The following ZC3H12B variants were observed in gnomAD, a reference collection of about 807,000 sequenced individuals.
The protein encoded by ZC3H12B is probable ribonuclease ZC3H12B.
A neutral mutation model predicts 43.9 loss-of-function variants in ZC3H12B; 7 were observed. The ratio of observed to expected loss-of-function variants is 0.16; its 90% CI spans 0.09 to 0.30. ZC3H12B has a LOEUF of 0.30. Ranked by LOEUF, ZC3H12B falls within the 10% of genes least tolerant of loss-of-function variation. The pLI is 1.00. For synonymous variants in ZC3H12B, 222 were observed against 241.7 expected (o/e 0.92, Z 0.76); for missense variants, 475 against 670.2 (o/e 0.71, Z 3.22).
the ZC3H12B span, among the ~76,000 whole-genome samples, chrX:65,172,766 T>C: frequency 8.9e-6 from 1 of 111,963 alleles, no homozygotes; most frequent in African/African-American, 3.2e-5. Context: ...AGTCCTCTGT[T>C]CTGTTCCATT....
At chrX:65,188,969 C>G in the ZC3H12B span, among the ~76,000 whole-genome samples, 604 of 79,898 alleles carry the variant, frequency 7.6e-3, 11 homozygotes, top group African/African-American at 0.027. Context: ...ACCACAGTCC[C>G]CAGAGTGTGA....
intron 2 of ZC3H12B, among the ~76,000 whole-genome samples, chrX:65,387,617 T>A (rs7885304): frequency 0.24 from 26,760 of 111,582 alleles, 7,675 homozygotes; most frequent in African/African-American, 0.83. Flanking sequence ...GTGTCTTTTA[T>A]TTGGAGCATT....
chrX:65,421,208 C>A (rs2067013589), intron 3 of ZC3H12B, among the ~76,000 whole-genome samples: 1 of 112,451 alleles, frequency 8.9e-6, no homozygotes, highest in Non-Finnish European at 1.9e-5. Context: ...ATAAATCTTA[C>A]TAAAAGTCAA....
At chrX:65,171,844 G>A in the ZC3H12B span, among the ~76,000 whole-genome samples, 52 of 111,564 alleles carry the variant, frequency 4.7e-4, 1 homozygote, top group East Asian at 0.012. Context: ...TCCGAGACAA[G>A]TGTGGGATAT....
chrX:65,222,807 C>T, the ZC3H12B span, among the ~76,000 whole-genome samples: 1 of 109,860 alleles, frequency 9.1e-6, no homozygotes, highest in African/African-American at 3.3e-5. Flanking sequence ...ACCATACTGC[C>T]AAAGGCAGTC....
chrX:65,157,501 A>G, the ZC3H12B span, among the ~76,000 whole-genome samples: 6 of 111,852 alleles, frequency 5.4e-5, no homozygotes, highest in South Asian at 3.7e-4. Context: ...TTGGTTTGCC[A>G]TTAATATAGC....
the ZC3H12B span, among the ~76,000 whole-genome samples, chrX:65,358,167 C>A: frequency 9.0e-6 from 1 of 111,323 alleles, no homozygotes; most frequent in South Asian, 3.8e-4. Flanking sequence ...TATATATGCA[C>A]CCAATACAAG....
intron 3 of ZC3H12B, among the ~76,000 whole-genome samples, chrX:65,450,743 ATATACATATGTGTATATATGTATATG>A (rs1569413182): frequency 2.3e-5 from 1 of 43,742 alleles, no homozygotes; most frequent in Non-Finnish European, 3.0e-5. Context: ...ATGTATATAT[ATATACATATGTGTATATATGTATATG>A]TATACATATG....
chrX:65,160,222 C>A, the ZC3H12B span, among the ~76,000 whole-genome samples: 4 of 111,570 alleles, frequency 3.6e-5, no homozygotes, highest in African/African-American at 9.8e-5. Context: ...GTCCAAAATT[C>A]TCCTTTCGGT....
At chrX:65,457,667 G>A (rs1475294595) in intron 3 of ZC3H12B, among the ~76,000 whole-genome samples, 8 of 72,461 alleles carry the variant, frequency 1.1e-4, no homozygotes, top group African/African-American at 1.6e-4. Context: ...GATGGTTGCC[G>A]GGTCTGTGTG....
At chrX:65,114,831 T>A in the ZC3H12B span, among the ~76,000 whole-genome samples, 3 of 108,714 alleles carry the variant, frequency 2.8e-5, no homozygotes, top group African/African-American at 1.0e-4. Context: ...GCTCAGATTA[T>A]GAACTTGAGA....
chrX:65,453,773 G>T (rs1184789837), intron 3 of ZC3H12B, among the ~76,000 whole-genome samples: 5 of 110,886 alleles, frequency 4.5e-5, no homozygotes, highest in Non-Finnish European at 9.4e-5. Flanking sequence ...CAGCAACCTG[G>T]ATGGAATTAG....
the ZC3H12B span, among the ~76,000 whole-genome samples, chrX:65,096,162 T>TTA: frequency 1.9e-4 from 19 of 99,916 alleles, no homozygotes; most frequent in East Asian, 5.9e-3. Context: ...TGTAATCGAA[T>TTA]TATATATATT....
chrX:65,204,662 A>C, the ZC3H12B span, among the ~76,000 whole-genome samples: 1 of 112,049 alleles, frequency 8.9e-6, no homozygotes, highest in Non-Finnish European at 1.9e-5. Context: ...TTATTTACAA[A>C]GTGGTAGCCT....
the ZC3H12B span, among the ~76,000 whole-genome samples, chrX:65,216,507 G>C: frequency 9.0e-6 from 1 of 111,507 alleles, no homozygotes; most frequent in African/African-American, 3.3e-5. Flanking sequence ...AAAGTGTCCT[G>C]GGGCTCTAAA....
chrX:65,253,576 C>G, the ZC3H12B span, among the ~76,000 whole-genome samples: 1 of 112,033 alleles, frequency 8.9e-6, no homozygotes, highest in Non-Finnish European at 1.9e-5. Context: ...ATTGTCTGAC[C>G]TGAACAGAAC....
chrX:65,250,421 G>C, the ZC3H12B span, among the ~76,000 whole-genome samples: 1 of 111,701 alleles, frequency 9.0e-6, no homozygotes, highest in Non-Finnish European at 1.9e-5. Flanking sequence ...CTTTATAGCA[G>C]CATGATTTAT....
At chrX:65,257,117 G>A in the ZC3H12B span, among the ~76,000 whole-genome samples, 3 of 112,062 alleles carry the variant, frequency 2.7e-5, no homozygotes, top group Admixed American at 1.9e-4. Flanking sequence ...ATACCCAAAG[G>A]ATTATAAACC....
intron 3 of ZC3H12B, among the ~76,000 whole-genome samples, chrX:65,438,933 C>T (rs1376504063): frequency 1.8e-5 from 2 of 112,941 alleles, no homozygotes; most frequent in Admixed American, 9.3e-5. Flanking sequence ...GGGAGGCTTG[C>T]TCCCAACATG....
Sources: gnomAD v4.1 joint callset for allele counts (sites outside exome capture counted in the v4.1 genomes callset) on GRCh38, gnomAD v4.1.1 for gene constraint, MANE v1.5 for transcripts, NCBI Gene and HGNC (gene_info 2026-07-23, HGNC 2026-07-21) for gene names.